The following TTLL3 variants were observed in gnomAD, a reference collection of about 807,000 sequenced individuals.
TTLL3 encodes tubulin tyrosine ligase like 3, also known as tubulin monoglycylase TTLL3.
A neutral mutation model predicts 75.2 loss-of-function variants in TTLL3; 63 were observed. That is an observed-to-expected ratio of 0.84 (90% confidence interval 0.68 to 1.03). The LOEUF is 1.03. TTLL3 is among the 50% of genes least tolerant of loss of function. TTLL3 has a pLI of 0.00. For synonymous variants in TTLL3, 393 were observed against 418.5 expected, an observed-to-expected ratio of 0.94 and a Z score of 0.74; for missense variants, 997 against 1,069.9, an observed-to-expected ratio of 0.93 and a Z score of 0.95.
chr3:9,827,031 G>A lies in TTLL3; in HGVS notation c.1038G>A (p.Leu346=), dbSNP rs1312291540. 17 of 1,614,096 alleles carry A rather than the reference G, an allele frequency of 1.1e-5. No individual in the cohort carries two copies. The South Asian group carries it at 1.9e-4, about 18-fold the overall frequency. Residue 346 remains leucine (L), a synonymous_variant, in exon 10 of 14, where the codon CTG becomes CTA. Transcript: ENST00000685419. The part of the protein sequence containing the change: ...IMCMDHLEEM[L]KLVNGNPVVM... ...GCATGGACCACCTGGAGGAGATGCT[G>A]AAGCTGGTGAACGGCAACCCCGTGG...
At chr3:9,834,468 C>T in intron 12 of TTLL3, 1 of 806,566 alleles carries the variant, frequency 1.2e-6, no homozygotes, top group Non-Finnish European at 2.1e-6. Flanking sequence ...CAAGGTTGCA[C>T]AGCTCAGAAG....
At position 9,820,340 on chromosome 3, in the gene TTLL3, C is replaced by T. The variant is rs1393900504; in HGVS notation, c.659-206C>T. On this transcript the variant is annotated intron_variant, in intron 7 of 13. Coordinates refer to ENST00000685419, the MANE Select transcript of TTLL3 (RefSeq NM_001387446.1). ...GAGCCTCGAGTGACAGGTCCTGGGA[C>T]AGTGGGAGCCAAGGGCAAGTGCTAG... The T allele has an allele frequency of 1.1e-5, 16 of 1,425,966 alleles. No individual in the cohort carries two copies. The Admixed American group carries it at 1.2e-4, about 10-fold the overall frequency. The allele number at this position is 1,425,966 out of a possible 1,614,324, so 88.3% of individuals were successfully genotyped here. A position where few individuals can be genotyped will look rare whatever the true frequency, so the allele number is the denominator to read the frequency against.
intron 2 of TTLL3, among the ~76,000 whole-genome samples, chr3:9,811,446 C>G (rs191914471): frequency 4.2e-4 from 64 of 152,250 alleles, no homozygotes; most frequent in Non-Finnish European, 3.1e-4. Context: ...TCAGCAAAAC[C>G]ACTTGTCATC....
At chr3:9,823,917 G>C (rs925285875) in intron 8 of TTLL3, among the ~76,000 whole-genome samples, 1 of 152,220 alleles carries the variant, frequency 6.6e-6, no homozygotes, top group Non-Finnish European at 1.5e-5. Flanking sequence ...TTTCTGTCTT[G>C]TAGAGAACAG....
chr3:9,834,131 A>C (rs2081862379), intron 12 of TTLL3: 1 of 265,984 alleles, frequency 3.8e-6, no homozygotes, highest in African/African-American at 2.2e-5. Flanking sequence ...AAAAAAAAAA[A>C]AAACCCAGCC....
At chr3:9,820,013 T>G (rs2080262242) in intron 7 of TTLL3, 2 of 987,892 alleles carry the variant, frequency 2.0e-6, no homozygotes, top group Non-Finnish European at 2.4e-6. Flanking sequence ...TTCTGAAGGG[T>G]CAGTTTCTGT....
chr3:9,822,786 T>TA (rs1328769858), intron 8 of TTLL3, among the ~76,000 whole-genome samples: 11 of 145,816 alleles, frequency 7.5e-5, no homozygotes, highest in East Asian at 2.1e-4. Context: ...TATATATATA[T>TA]TTTTTAGAGA....
chr3:9,829,589 C>T (rs2081342322), intron 11 of TTLL3, among the ~76,000 whole-genome samples, 194 bp downstream of exon 11: 1 of 152,158 alleles, frequency 6.6e-6, no homozygotes, highest in African/African-American at 2.4e-5. Context: ...TACCATCTTT[C>T]TCATGGGAAT....
Position 9,835,598 on chromosome 3 carries a change from A to G in TTLL3, c.*109A>G. The G allele has an allele frequency of 6.3e-6, 7 of 1,106,162 alleles. No individual in the cohort carries two copies. The highest frequency in any genetic ancestry group is 4.8e-5 in the East Asian group (2 of 41,404). 68.5% of individuals were successfully genotyped at this position (1,106,162 alleles called of 1,614,324 possible). On this transcript the variant is annotated 3_prime_UTR_variant, in exon 14 of 14. Coordinates refer to ENST00000685419, the MANE Select transcript of TTLL3 (RefSeq NM_001387446.1). ...CAGCATCTCCGATCCAGGGGTGGGG[A>G]GCGTGAGCCTTCACTTTACAGATGA...
rs942603172 is a variant in TTLL3 at position 9,827,315 on chromosome 3, G to C, written c.1247+75G>C. The C allele has an allele frequency of 1.9e-6, 3 of 1,576,510 alleles. No homozygotes were observed. In the African/African-American group the frequency reaches 4.0e-5, roughly 21 times the overall value. On this transcript the variant is annotated intron_variant, in intron 10 of 13. Transcript: ENST00000685419. Reference sequence around the variant, plus strand: ...TGGCAAGCAAACAGGCGATTACAGTGCAGGGGACTCGCGCAGCAGCGCTAG... The same window carrying C: ...TGGCAAGCAAACAGGCGATTACAGTCCAGGGGACTCGCGCAGCAGCGCTAG...
At chr3:9,811,686 C>T (rs1481032243) in intron 2 of TTLL3, among the ~76,000 whole-genome samples, 3 of 152,192 alleles carry the variant, frequency 2.0e-5, no homozygotes, top group Non-Finnish European at 4.4e-5. Context: ...AATCCAAGTC[C>T]GTTCCAAGGC....
At chr3:9,821,388 G>C (rs79296994) in intron 8 of TTLL3, among the ~76,000 whole-genome samples, 1 of 152,170 alleles carries the variant, frequency 6.6e-6, no homozygotes, top group Admixed American at 6.5e-5. Flanking sequence ...GAGCAACTCC[G>C]ATGTGCCAAG....
chr3:9,830,030 A>C (rs2081374038), intron 11 of TTLL3, among the ~76,000 whole-genome samples: 1 of 152,140 alleles, frequency 6.6e-6, no homozygotes, highest in South Asian at 2.1e-4. Context: ...TTTAGTAGAT[A>C]CAGGGTTTTG....
rs373988590 is a variant in TTLL3 at position 9,827,010 on chromosome 3, G to A, written c.1017G>A (p.Met339Ile). 70 of 1,614,006 alleles carry A rather than the reference G, an allele frequency of 4.3e-5. No individual in the cohort carries two copies. The highest frequency in any genetic ancestry group is 5.8e-5 in the Non-Finnish European group (69 of 1,180,036). The change falls in exon 10 of 14, where the codon ATG becomes ATA. Residue 339 changes from methionine to isoleucine, a missense_variant. Transcript: ENST00000685419. ...AKSRGRGIMC[M>I]DHLEEMLKLV... is the part of the protein sequence containing the mutation. ...CTTCCCCCGTAGGCATCATGTGCAT[G>A]GACCACCTGGAGGAGATGCTGAAGC... is the stretch of plus-strand genomic sequence containing the variant.
chr3:9,829,097 C>A lies in TTLL3; in HGVS notation c.1385C>A (p.Ala462Asp). 6.2e-7 allele frequency: 1 copy of A among 1,614,252 alleles called. No individual in the cohort carries two copies. ...AHLQEMGAPN[A>D]WSTIIVPGMK... The stretch of plus-strand genomic sequence containing the variant: ...CTGCAGGAGATGGGTGCCCCAAATG[C>A]TTGGTCCACCATCATCGTGCCTGGC... The change falls in exon 11 of 14, where the codon GCT becomes GAT. Residue 462 changes from alanine (A) to aspartate (D), a missense_variant. Ala to Asp is a moderately radical substitution (Grantham distance 126). Coordinates refer to ENST00000685419, the MANE Select transcript of TTLL3 (RefSeq NM_001387446.1).
At position 9,826,993 on chromosome 3, in the gene TTLL3, G is replaced by T; in HGVS notation, c.1004-4G>T. The T allele has an allele frequency of 6.2e-7, 1 of 1,613,998 alleles. No homozygotes were observed. Among genetic ancestry groups the T allele is most frequent in the Non-Finnish European group, 8.5e-7 (1 of 1,179,976 alleles). On this transcript the variant is annotated splice_polypyrimidine_tract_variant and splice_region_variant and intron_variant, in intron 9 of 13. Coordinates refer to ENST00000685419, the MANE Select transcript of TTLL3 (RefSeq NM_001387446.1). Reference sequence around the variant, plus strand: ...CAATCCCTGACTGCCCTCTTCCCCCGTAGGCATCATGTGCATGGACCACCT... The same window carrying T: ...CAATCCCTGACTGCCCTCTTCCCCCTTAGGCATCATGTGCATGGACCACCT...
rs768382065 is a variant in TTLL3 at position 9,813,284 on chromosome 3, A to G, written c.254A>G (p.Gln85Arg). The change falls in exon 4 of 14, where the codon CAG becomes CGG. Residue 85 changes from glutamine to arginine, a missense_variant. Coordinates refer to ENST00000685419, the MANE Select transcript of TTLL3 (RefSeq NM_001387446.1). ...GAGGACGAGGAGTTCCAGCCATCACAGCTGTTCGACTTCGATGATTTACTG... is the reference window on the plus strand; with the variant it reads ...GAGGACGAGGAGTTCCAGCCATCACGGCTGTTCGACTTCGATGATTTACTG... ...EDEDEEFQPS[Q>R]LFDFDDLLKF... 6.2e-7 allele frequency: 1 copy of G among 1,614,236 alleles called. No individual in the cohort carries two copies. The highest frequency in any genetic ancestry group is 1.3e-5 in the African/African-American group (1 of 75,066).
chr3:9,812,509 CA>C (rs1337122421), intron 2 of TTLL3, among the ~76,000 whole-genome samples: 46 of 142,604 alleles, frequency 3.2e-4, no homozygotes, highest in Non-Finnish European at 4.0e-4. Context: ...GACTCCGTCT[CA>C]AAAAAAAAAA....
rs141804874 is a variant in TTLL3 at position 9,829,289 on chromosome 3, C to A, written c.1577C>A (p.Thr526Asn). 2.5e-4 allele frequency: 408 copies of A among 1,614,030 alleles called. No homozygotes were observed. Among genetic ancestry groups the A allele is most frequent in the Non-Finnish European group, 3.0e-4 (358 of 1,180,050 alleles). ...ACGATGGCACCCTCCACAGCAGTCA[C>A]TGCCCGGCTCTGTGCTGGCGTGCAA... ...SPTMAPSTAV[T>N]ARLCAGVQAD... The change falls in exon 11 of 14, where the codon ACT (threonine) becomes AAT (asparagine). Residue 526 changes from threonine to asparagine, a missense_variant. Transcript: ENST00000685419.
Sources: gnomAD v4.1 joint callset for allele counts (sites outside exome capture counted in the v4.1 genomes callset) on GRCh38, gnomAD v4.1.1 for gene constraint, MANE v1.5 for transcripts, NCBI Gene and HGNC (gene_info 2026-07-23, HGNC 2026-07-21) for gene names.